Variants in ACBD6 observed in about 807,000 individuals in gnomAD.
The protein encoded by ACBD6 is acyl-CoA binding domain containing 6, also known as acyl-CoA-binding domain-containing protein 6.
In ACBD6, 28 loss-of-function variants were observed where a neutral mutation model predicts 37.2. The ratio of observed to expected loss-of-function variants is 0.75; its 90% CI spans 0.56 to 1.03. The LOEUF (loss-of-function observed/expected upper bound fraction) is 1.03, where lower values mean the gene tolerates loss of function less well. Among genes scored for constraint, ACBD6 ranks in the 50% least tolerant of loss-of-function variants. ACBD6 has a pLI of 0.00. For synonymous variants in ACBD6, 113 were observed against 126.8 expected, an observed-to-expected ratio of 0.89 and a Z score of 0.73; for missense variants, 340 against 337.4, an observed-to-expected ratio of 1.01 and a Z score of -0.06.
At chr1:180,415,477 T>C (rs1016200802) in intron 4 of ACBD6, among the ~76,000 whole-genome samples, 3 of 150,894 alleles carry the variant, frequency 2.0e-5, no homozygotes, top group Non-Finnish European at 2.9e-5. Context: ...TTAAGGATAA[T>C]AGGGACCTAC....
At chr1:180,342,123 T>C (rs900080630) in intron 6 of ACBD6, among the ~76,000 whole-genome samples, 4 of 152,106 alleles carry the variant, frequency 2.6e-5, no homozygotes. Context: ...ATTTAGGGAA[T>C]GTCTACCTAG....
intron 3 of ACBD6, among the ~76,000 whole-genome samples, chr1:180,442,065 G>A (rs770279227): frequency 8.5e-5 from 13 of 152,272 alleles, no homozygotes; most frequent in East Asian, 1.9e-4. Flanking sequence ...CAGGTTGGTC[G>A]TCTTTTCCTT....
At chr1:180,499,625 G>A (rs1216468140) in intron 1 of ACBD6, among the ~76,000 whole-genome samples, 1 of 152,144 alleles carries the variant, frequency 6.6e-6, no homozygotes, top group East Asian at 1.9e-4. Context: ...GGAATTTGGG[G>A]AAAATTAGTC....
At chr1:180,439,348 G>T (rs1649187454) in intron 3 of ACBD6, among the ~76,000 whole-genome samples, 2 of 152,240 alleles carry the variant, frequency 1.3e-5, no homozygotes, top group African/African-American at 4.8e-5. Context: ...ACTGGGGGAG[G>T]CCGAGGCGGG....
intron 5 of ACBD6, among the ~76,000 whole-genome samples, chr1:180,400,753 TAATCATGATAA>T (rs1647317189): frequency 1.3e-5 from 2 of 152,178 alleles, no homozygotes. Context: ...TCCTTATAAT[TAATCATGATAA>T]AATCAGGAAA....
chr1:180,410,557 T>C (rs4403592), intron 5 of ACBD6, among the ~76,000 whole-genome samples: 15,833 of 152,178 alleles, frequency 0.1, 1,187 homozygotes, highest in African/African-American at 0.2. Context: ...CTATTCTGCC[T>C]GTGCTTTTGA....
intron 7 of ACBD6, among the ~76,000 whole-genome samples, chr1:180,303,368 T>C (rs1483065799): frequency 6.7e-6 from 1 of 150,070 alleles, no homozygotes; most frequent in South Asian, 2.1e-4. Context: ...GCAAGACTAA[T>C]AAAGAAGAAA....
chr1:180,408,350 T>C (rs1647714005), intron 5 of ACBD6, among the ~76,000 whole-genome samples: 1 of 152,232 alleles, frequency 6.6e-6, no homozygotes, highest in Non-Finnish European at 1.5e-5. Context: ...TAAAAAATGA[T>C]GAGTTCATGT....
intron 6 of ACBD6, among the ~76,000 whole-genome samples, chr1:180,346,504 A>G (rs538470404): frequency 6.6e-6 from 1 of 152,156 alleles, no homozygotes; most frequent in Non-Finnish European, 1.5e-5. Flanking sequence ...AGCTGGCCTC[A>G]AAGAAACAAA....
intron 3 of ACBD6, among the ~76,000 whole-genome samples, chr1:180,445,142 T>A (rs1649428937): frequency 6.6e-6 from 1 of 152,196 alleles, no homozygotes; most frequent in South Asian, 2.1e-4. Context: ...AATAAAACAG[T>A]ATCCAGTGCA....
intron 6 of ACBD6, among the ~76,000 whole-genome samples, chr1:180,378,217 G>T (rs1367883686): frequency 1.3e-5 from 2 of 152,084 alleles, no homozygotes; most frequent in African/African-American, 4.8e-5. Flanking sequence ...TGCCAAAAAT[G>T]CATAACCTAA....
intron 6 of ACBD6, among the ~76,000 whole-genome samples, chr1:180,351,581 C>A (rs535501202): frequency 1.1e-5 from 1 of 92,626 alleles, no homozygotes; most frequent in Admixed American, 1.7e-4. Context: ...CCCGATATTA[C>A]GTTTTTTTTT....
intron 6 of ACBD6, among the ~76,000 whole-genome samples, chr1:180,396,036 G>C (rs575726379): frequency 9.0e-4 from 137 of 152,250 alleles, no homozygotes; most frequent in Admixed American, 3.3e-3. Flanking sequence ...AGTGAAATAA[G>C]CCAGTCAAAA....
chr1:180,367,529 C>T (rs1653096636), intron 6 of ACBD6, among the ~76,000 whole-genome samples: 1 of 152,112 alleles, frequency 6.6e-6, no homozygotes, highest in Non-Finnish European at 1.5e-5. Flanking sequence ...TCCTCTCCCT[C>T]CTCCCACCCT....
chr1:180,288,437 A>G lies in ACBD6; in HGVS notation c.775T>C (p.Cys259Arg). The G allele has an allele frequency of 6.2e-7, 1 of 1,613,828 alleles. No homozygotes were observed. The highest frequency in any genetic ancestry group is 8.5e-7 in the Non-Finnish European group (1 of 1,179,994). ...ADPTLRDQDG[C>R]LPEEVTGCKT... ...CAGCCTGTCACCTCCTCTGGCAGGC[A>G]GCCATCCTGGTCTCGGAGAGTGGGG... The change falls in exon 8 of 8, where the codon TGC (cysteine) becomes CGC (arginine). Residue 259 changes from cysteine to arginine, a missense_variant. Transcript: ENST00000367595.
At chr1:180,369,485 G>C (rs1653175748) in intron 6 of ACBD6, among the ~76,000 whole-genome samples, 1 of 152,124 alleles carries the variant, frequency 6.6e-6, no homozygotes. Context: ...TTTCGGAAGG[G>C]AGAAATAAAA....
intron 6 of ACBD6, among the ~76,000 whole-genome samples, chr1:180,390,820 A>G (rs1481897693): frequency 1.3e-5 from 2 of 152,200 alleles, no homozygotes; most frequent in African/African-American, 4.8e-5. Flanking sequence ...CTTTTTAGCA[A>G]AAATGAACAC....
At chr1:180,462,894 C>A (rs777734948) in intron 3 of ACBD6, among the ~76,000 whole-genome samples, 1 of 152,152 alleles carries the variant, frequency 6.6e-6, no homozygotes, top group Non-Finnish European at 1.5e-5. Context: ...GACCACAGCA[C>A]AATCAAATTA....
At chr1:180,274,458 C>A in intron 10 of ACBD6, 1 of 1,614,196 alleles carries the variant, frequency 6.2e-7, no homozygotes, top group Non-Finnish European at 8.5e-7. Context: ...GTAAGCCAGA[C>A]GCTGAGAGCC....
Sources: allele counts gnomAD v4.1 joint callset (sites outside exome capture counted in the v4.1 genomes callset), GRCh38; gene constraint gnomAD v4.1.1; transcripts MANE v1.5; gene names NCBI Gene and HGNC (gene_info 2026-07-23, HGNC 2026-07-21).